SCFD2: variants seen among roughly 807,000 people sequenced by gnomAD.
SCFD2 encodes sec1 family domain-containing protein 2.
SCFD2 carries 54 observed loss-of-function variants against 58.9 expected under a neutral mutation model. The observed-to-expected ratio is 0.92, with a 90% CI of 0.74 to 1.15. SCFD2 has a LOEUF of 1.15. Among genes scored for constraint, SCFD2 ranks in the 50% most tolerant of loss-of-function variants. SCFD2 has a pLI of 0.00. For missense variants in SCFD2, 805 were observed against 836.6 expected, an observed-to-expected ratio of 0.96 and a Z score of 0.47; for synonymous variants, 321 against 335.9, an observed-to-expected ratio of 0.96 and a Z score of 0.49.
chr4:53,164,854 A>G (rs1337085361), intron 4 of SCFD2, among the ~76,000 whole-genome samples: 1 of 151,924 alleles, frequency 6.6e-6, no homozygotes, highest in South Asian at 2.1e-4. Flanking sequence ...ATTCCTTAGG[A>G]GAAACTTTAA....
chr4:53,181,990 A>T (rs185339261), intron 4 of SCFD2, among the ~76,000 whole-genome samples: 3 of 152,224 alleles, frequency 2.0e-5, no homozygotes, highest in African/African-American at 7.2e-5. Flanking sequence ...CCACTGCTCA[A>T]GGAAATAAAA....
chr4:53,210,637 A>G (rs1329370328), intron 4 of SCFD2, among the ~76,000 whole-genome samples: 1 of 152,048 alleles, frequency 6.6e-6, no homozygotes, highest in African/African-American at 2.4e-5. Context: ...TATCATATAT[A>G]TTTATTTCTA....
intron 4 of SCFD2, among the ~76,000 whole-genome samples, chr4:53,245,795 C>A (rs1730050336): frequency 1.3e-5 from 2 of 152,148 alleles, no homozygotes; most frequent in South Asian, 4.1e-4. Context: ...TGCCACAAGA[C>A]AAGGGTGCCC....
chr4:53,346,614 T>C (rs1734066594), intron 2 of SCFD2, among the ~76,000 whole-genome samples: 1 of 152,180 alleles, frequency 6.6e-6, no homozygotes, highest in Non-Finnish European at 1.5e-5. Flanking sequence ...CAATCATTTA[T>C]TGATTGCTGT....
intron 5 of SCFD2, among the ~76,000 whole-genome samples, chr4:52,953,985 G>A (rs372435963): frequency 1.6e-4 from 25 of 152,298 alleles, no homozygotes; most frequent in East Asian, 1.5e-3. Flanking sequence ...TACTAGCTAT[G>A]TAACTGTGGG....
intron 3 of SCFD2, among the ~76,000 whole-genome samples, chr4:53,290,649 T>C (rs1372708342): frequency 1.3e-5 from 2 of 150,026 alleles, no homozygotes; most frequent in Non-Finnish European, 3.0e-5. Flanking sequence ...AGAAAAACCA[T>C]GGAAAAAATA....
At chr4:53,116,768 C>T (rs1412227533) in intron 5 of SCFD2, among the ~76,000 whole-genome samples, 5 of 152,018 alleles carry the variant, frequency 3.3e-5, no homozygotes, top group Admixed American at 2.6e-4. Flanking sequence ...TGAAAAGAAC[C>T]CTGAGTCACA....
At chr4:53,106,212 G>A (rs1311541171) in intron 5 of SCFD2, among the ~76,000 whole-genome samples, 1 of 152,178 alleles carries the variant, frequency 6.6e-6, no homozygotes, top group Non-Finnish European at 1.5e-5. Context: ...AACCCGATCT[G>A]AAGGTCACCA....
chr4:52,925,473 T>C (rs1719842632), intron 5 of SCFD2, among the ~76,000 whole-genome samples: 1 of 152,030 alleles, frequency 6.6e-6, no homozygotes. Flanking sequence ...GGCCTGTCTC[T>C]AGGTTAGATG....
intron 4 of SCFD2, among the ~76,000 whole-genome samples, chr4:53,248,460 T>A (rs1321037125): frequency 6.6e-6 from 1 of 152,196 alleles, no homozygotes; most frequent in Non-Finnish European, 1.5e-5. Flanking sequence ...AGGCTCCACC[T>A]CTAGGGGCAG....
chr4:53,082,175 T>TA (rs916106729), intron 5 of SCFD2, among the ~76,000 whole-genome samples: 2 of 152,224 alleles, frequency 1.3e-5, no homozygotes, highest in African/African-American at 4.8e-5. Context: ...AGGTTTTGTG[T>TA]ATAAAAACAG....
chr4:53,030,227 A>G (rs567465409), intron 5 of SCFD2, among the ~76,000 whole-genome samples: 1 of 152,346 alleles, frequency 6.6e-6, no homozygotes, highest in East Asian at 1.9e-4. Context: ...AAAGATACTC[A>G]GTATCATTAG....
At chr4:53,007,352 G>A (rs557826282) in intron 5 of SCFD2, among the ~76,000 whole-genome samples, 19 of 113,588 alleles carry the variant, frequency 1.7e-4, no homozygotes, top group Admixed American at 1.2e-3. Flanking sequence ...GAGAGAGAGA[G>A]AAAAGAAAGA....
At chr4:53,000,684 G>C (rs924036679) in intron 5 of SCFD2, among the ~76,000 whole-genome samples, 1 of 152,186 alleles carries the variant, frequency 6.6e-6, no homozygotes, top group African/African-American at 2.4e-5. Context: ...CCTCGCTGTG[G>C]GTATCCTTTG....
chr4:52,909,285 AC>A (rs1245837263), intron 6 of SCFD2, among the ~76,000 whole-genome samples: 6 of 152,184 alleles, frequency 3.9e-5, no homozygotes, highest in Non-Finnish European at 7.3e-5. Flanking sequence ...ATTAGAAACC[AC>A]CCAAGTGCCA....
At chr4:53,216,227 G>A (rs1056880105) in intron 4 of SCFD2, among the ~76,000 whole-genome samples, 8 of 152,192 alleles carry the variant, frequency 5.3e-5, no homozygotes, top group African/African-American at 1.9e-4. Context: ...AATGGTACCA[G>A]CTCCTCCTTG....
At chr4:53,282,821 A>T (rs1731547265) in intron 3 of SCFD2, among the ~76,000 whole-genome samples, 1 of 152,218 alleles carries the variant, frequency 6.6e-6, no homozygotes, top group African/African-American at 2.4e-5. Context: ...GTGGTTTTTT[A>T]AATTTAATGA....
At chr4:53,202,830 C>T (rs539496166) in intron 4 of SCFD2, among the ~76,000 whole-genome samples, 1 of 152,170 alleles carries the variant, frequency 6.6e-6, no homozygotes, top group Admixed American at 6.5e-5. Context: ...CTCTGTTTGT[C>T]TGTTATTGGT....
At chr4:53,239,515 G>A (rs1230158237) in intron 4 of SCFD2, among the ~76,000 whole-genome samples, 12 of 152,076 alleles carry the variant, frequency 7.9e-5, no homozygotes, top group Non-Finnish European at 1.5e-4. Flanking sequence ...ACGGAGTTTC[G>A]CTCTTGTTGC....
Sources: allele counts gnomAD v4.1 joint callset (sites outside exome capture counted in the v4.1 genomes callset), GRCh38; gene constraint gnomAD v4.1.1; transcripts MANE v1.5; gene names NCBI Gene and HGNC (gene_info 2026-07-23, HGNC 2026-07-21).